The following PLS1 variants were observed in gnomAD, a reference collection of about 807,000 sequenced individuals.
PLS1 encodes the protein plastin-1.
PLS1 carries 32 observed loss-of-function variants against 73.7 expected under a neutral mutation model. The ratio of observed to expected loss-of-function variants is 0.43; its 90% CI spans 0.33 to 0.58. The LOEUF is 0.58. PLS1 is among the 20% of genes least tolerant of loss of function. PLS1 has a pLI of 0.04. For missense variants in PLS1, 633 were observed against 740.5 expected (o/e 0.85, Z 1.68); for synonymous variants, 217 against 261.3 (o/e 0.83, Z 1.63).
intron 1 of PLS1, among the ~76,000 whole-genome samples, chr3:142,599,357 T>G (rs2108528309): frequency 7.3e-6 from 1 of 137,830 alleles, no homozygotes; most frequent in East Asian, 2.1e-4. Flanking sequence ...TGAGATGGAG[T>G]CTCGCTCTGT....
At chr3:142,650,001 G>T (rs60280686) in intron 1 of PLS1, among the ~76,000 whole-genome samples, 6,403 of 151,938 alleles carry the variant, frequency 0.042, 434 homozygotes, top group African/African-American at 0.15. Context: ...TAGATTGTTT[G>T]TTTTTGTCTC....
intron 1 of PLS1, among the ~76,000 whole-genome samples, chr3:142,657,779 C>T (rs892252794): frequency 3.3e-5 from 5 of 152,074 alleles, no homozygotes; most frequent in African/African-American, 7.2e-5. Context: ...TGAGCCACCA[C>T]GCCCAGTGTG....
At chr3:142,659,956 G>T (rs9872776) in intron 1 of PLS1, among the ~76,000 whole-genome samples, 4,218 of 152,042 alleles carry the variant, frequency 0.028, 201 homozygotes, top group African/African-American at 0.097. Flanking sequence ...CAAGTATACC[G>T]TGACACAACC....
At chr3:142,643,828 T>TC (rs1287156914) in intron 1 of PLS1, among the ~76,000 whole-genome samples, 1 of 26,808 alleles carries the variant, frequency 3.7e-5, no homozygotes, top group Non-Finnish European at 1.1e-4. Context: ...TCATTTCATT[T>TC]TTTTTTTTTT....
chr3:142,678,054 C>T lies in PLS1; in HGVS notation c.520C>T (p.Pro174Ser). The change falls in exon 6 of 16, where the codon CCA becomes TCA. Residue 174 changes from proline (P) to serine (S), a missense_variant. Physicochemically the swap from Pro to Ser is moderately conservative, Grantham distance 74. Coordinates refer to ENST00000457734, the MANE Select transcript of PLS1 (RefSeq NM_001145319.2). ...LLCKMINLSEPDTIDERAINK... is the reference protein window; with the variant it reads ...LLCKMINLSESDTIDERAINK... ...TAGCAAAATGATCAACTTATCTGAA[C>T]CAGATACAATTGATGAAAGAGCCAT... 1.3e-6 allele frequency: 2 copies of T among 1,533,676 alleles called. No homozygotes were observed. Among genetic ancestry groups the T allele is most frequent in the Non-Finnish European group, 8.9e-7 (1 of 1,129,534 alleles).
chr3:142,623,077 G>C (rs1229638557), intron 1 of PLS1, among the ~76,000 whole-genome samples: 1 of 152,112 alleles, frequency 6.6e-6, no homozygotes, highest in East Asian at 1.9e-4. Flanking sequence ...TCCTGCCTCA[G>C]CCTTCCAAGT....
intron 6 of PLS1, 54 bp from the exon 7 acceptor site, chr3:142,683,952 G>C: frequency 7.6e-7 from 1 of 1,318,930 alleles, no homozygotes; most frequent in African/African-American, 1.5e-5. Flanking sequence ...AATTTTTATA[G>C]ATAAGACCTT....
chr3:142,672,781 A>G (rs2037633415), intron 4 of PLS1, among the ~76,000 whole-genome samples: 1 of 152,184 alleles, frequency 6.6e-6, no homozygotes, highest in Non-Finnish European at 1.5e-5. Flanking sequence ...GATATAATTG[A>G]CATACCATGG....
At chr3:142,699,948 T>A (rs2038292384) in intron 12 of PLS1, among the ~76,000 whole-genome samples, 1 of 152,196 alleles carries the variant, frequency 6.6e-6, no homozygotes, top group Non-Finnish European at 1.5e-5. Flanking sequence ...GGGAGTAGAA[T>A]TCAGAAAATT....
At position 142,638,318 on chromosome 3, in the gene PLS1, G is replaced by A. The variant is rs944880684; in HGVS notation, c.-36-25884G>A. 2.0e-5 allele frequency among the ~76,000 whole-genome samples: 3 copies of A among 152,298 alleles called. No individual in the cohort carries two copies. In the South Asian group the frequency reaches 6.2e-4, roughly 32 times the overall value. On this transcript the variant is annotated intron_variant, in intron 1 of 15. Transcript: ENST00000457734. ...GCTGGTAAGATGTAAAGCCAGCATG[G>A]CATCCTGGATCTGCCACGTTTCAAA...
intron 1 of PLS1, among the ~76,000 whole-genome samples, chr3:142,624,321 A>T: frequency 6.6e-6 from 1 of 152,186 alleles, no homozygotes; most frequent in South Asian, 2.1e-4. Flanking sequence ...TTTTCTTATA[A>T]ATAGTGTACA....
intron 1 of PLS1, among the ~76,000 whole-genome samples, chr3:142,624,299 T>C (rs555109212): frequency 1.3e-5 from 2 of 152,344 alleles, no homozygotes; most frequent in Non-Finnish European, 2.9e-5. Flanking sequence ...CTGAAAGCTT[T>C]CAGAAAGATA....
At chr3:142,673,321 G>A (rs2037647619) in intron 4 of PLS1, among the ~76,000 whole-genome samples, 2 of 152,084 alleles carry the variant, frequency 1.3e-5, no homozygotes, top group South Asian at 2.1e-4. Flanking sequence ...GTGAGCCATG[G>A]TACCTGGCCC....
chr3:142,666,093 G>A (rs78582870), intron 2 of PLS1, among the ~76,000 whole-genome samples: 9,495 of 152,230 alleles, frequency 0.062, 972 homozygotes, highest in African/African-American at 0.22. Flanking sequence ...AATGTTATTA[G>A]ATGGAGTATT....
intron 1 of PLS1, among the ~76,000 whole-genome samples, chr3:142,612,518 A>G (rs6440096): frequency 0.26 from 39,029 of 152,078 alleles, 7,100 homozygotes; most frequent in African/African-American, 0.52. Context: ...CCTTCATGTT[A>G]CTTTAGTTGG....
intron 1 of PLS1, among the ~76,000 whole-genome samples, chr3:142,600,275 G>T (rs2035891374): frequency 6.6e-6 from 1 of 152,210 alleles, no homozygotes. Flanking sequence ...GGGAGTTGAA[G>T]TCTGGAAAGG....
chr3:142,629,558 C>T (rs2036508019), intron 1 of PLS1, among the ~76,000 whole-genome samples: 1 of 152,158 alleles, frequency 6.6e-6, no homozygotes, highest in Admixed American at 6.5e-5. Flanking sequence ...TTCTGATTAG[C>T]ACACATGGGT....
intron 1 of PLS1, among the ~76,000 whole-genome samples, chr3:142,621,317 C>A (rs2036310531): frequency 6.6e-6 from 1 of 152,138 alleles, no homozygotes; most frequent in Non-Finnish European, 1.5e-5. Context: ...ACTCTTAGAG[C>A]AATTGGATTC....
intron 1 of PLS1, among the ~76,000 whole-genome samples, chr3:142,597,803 C>G (rs758822741): frequency 4.6e-5 from 7 of 152,204 alleles, no homozygotes; most frequent in Non-Finnish European, 8.8e-5. Context: ...TTCTTTACCT[C>G]CATTATTAAA....
Sources: allele counts gnomAD v4.1 joint callset (sites outside exome capture counted in the v4.1 genomes callset), GRCh38; gene constraint gnomAD v4.1.1; transcripts MANE v1.5; gene names NCBI Gene and HGNC (gene_info 2026-07-23, HGNC 2026-07-21).